ACOXL: variants seen among roughly 807,000 people sequenced by gnomAD.
ACOXL encodes acyl-coenzyme A oxidase-like protein.
Under a neutral mutation model 71.9 loss-of-function variants are expected in ACOXL, and 70 were observed. The observed-to-expected ratio is 0.97, with a 90% CI of 0.80 to 1.19. ACOXL has a LOEUF of 1.19. Among genes scored for constraint, ACOXL ranks in the 50% most tolerant of loss-of-function variants. The pLI is 0.00. For missense variants in ACOXL, 703 were observed against 736.3 expected, an observed-to-expected ratio of 0.95 and a Z score of 0.52; for synonymous variants, 253 against 281.6, an observed-to-expected ratio of 0.90 and a Z score of 1.02.
chr2:111,117,535 T>C, intron 17 of ACOXL, 81 bp from the exon 18 acceptor site: 1 of 1,435,402 alleles, frequency 7.0e-7, no homozygotes, highest in Non-Finnish European at 9.6e-7. Flanking sequence ...GTGCGGGTGC[T>C]TGGTGGGCTG....
chr2:110,843,486 G>A (rs924087888), intron 10 of ACOXL, among the ~76,000 whole-genome samples: 1 of 152,222 alleles, frequency 6.6e-6, no homozygotes, highest in African/African-American at 2.4e-5. Flanking sequence ...TGCTGTGGAG[G>A]AGAGGCAGAG....
chr2:110,758,307 G>C (rs1559224569), intron 1 of ACOXL, among the ~76,000 whole-genome samples: 1 of 152,158 alleles, frequency 6.6e-6, no homozygotes, highest in African/African-American at 2.4e-5. Context: ...TTGTAGTATA[G>C]TTTGAAGTCA....
intron 9 of ACOXL, among the ~76,000 whole-genome samples, chr2:110,836,168 G>A (rs1690436871): frequency 2.0e-5 from 3 of 152,198 alleles, no homozygotes; most frequent in Admixed American, 1.3e-4. Context: ...AGTAAGATCT[G>A]GGGTGGTGCC....
chr2:110,793,133 C>G (rs1446017697), intron 3 of ACOXL, among the ~76,000 whole-genome samples: 1 of 152,186 alleles, frequency 6.6e-6, no homozygotes, highest in Non-Finnish European at 1.5e-5. Context: ...TGTCCAAGAT[C>G]CTGCAGCCGG....
At chr2:110,829,049 G>C (rs1366892154) in intron 9 of ACOXL, among the ~76,000 whole-genome samples, 1 of 152,178 alleles carries the variant, frequency 6.6e-6, no homozygotes, top group Non-Finnish European at 1.5e-5. Flanking sequence ...GACCTCAGGT[G>C]ATCTGCCTGC....
intron 14 of ACOXL, among the ~76,000 whole-genome samples, chr2:111,023,156 G>A (rs1355750858): frequency 6.6e-6 from 1 of 152,186 alleles, no homozygotes; most frequent in African/African-American, 2.4e-5. Context: ...TGTCTACCAG[G>A]TGGGAGTGCA....
chr2:110,844,550 C>CTTTTTTT (rs72290322), intron 10 of ACOXL, among the ~76,000 whole-genome samples: 1 of 133,536 alleles, frequency 7.5e-6, no homozygotes, highest in South Asian at 2.4e-4. Flanking sequence ...CTTTTCTTTT[C>CTTTTTTT]TTTTTTTTTT....
intron 15 of ACOXL, 97 bp downstream of exon 15, chr2:111,031,811 A>G: frequency 8.2e-7 from 1 of 1,222,770 alleles, no homozygotes. Flanking sequence ...GTCCCAACAC[A>G]CAGGGAAGGG....
At chr2:110,763,600 C>A (rs1002882189) in intron 1 of ACOXL, among the ~76,000 whole-genome samples, 3 of 152,050 alleles carry the variant, frequency 2.0e-5, no homozygotes, top group Non-Finnish European at 4.4e-5. Context: ...CCTAGGAGAT[C>A]TAGAAGAAAG....
intron 11 of ACOXL, among the ~76,000 whole-genome samples, chr2:110,923,642 C>A (rs2060161462): frequency 6.6e-6 from 1 of 152,052 alleles, no homozygotes; most frequent in Non-Finnish European, 1.5e-5. Context: ...TTATTAGAAA[C>A]AGAGCATGAG....
intron 17 of ACOXL, chr2:111,094,369 G>C (rs2068697057): frequency 6.6e-6 from 1 of 152,066 alleles, no homozygotes; most frequent in Non-Finnish European, 1.5e-5. Flanking sequence ...TCCATTTTTT[G>C]CTGCTGTAAC....
intron 10 of ACOXL, among the ~76,000 whole-genome samples, chr2:110,902,318 A>G (rs2059270791): frequency 6.6e-6 from 1 of 152,048 alleles, no homozygotes; most frequent in Non-Finnish European, 1.5e-5. Context: ...AAAATTACAA[A>G]AATTAGTCAG....
intron 3 of ACOXL, among the ~76,000 whole-genome samples, chr2:110,788,718 G>A (rs1318312123): frequency 1.3e-5 from 2 of 152,206 alleles, no homozygotes; most frequent in Non-Finnish European, 2.9e-5. Context: ...AGTAATTGTG[G>A]GAGATTTTTC....
intron 14 of ACOXL, among the ~76,000 whole-genome samples, chr2:111,030,366 A>C (rs1169468316): frequency 6.6e-6 from 1 of 152,194 alleles, no homozygotes; most frequent in Admixed American, 6.5e-5. Context: ...CAGTGCAGAG[A>C]GATATCAATT....
intron 2 of ACOXL, among the ~76,000 whole-genome samples, chr2:110,775,004 G>T (rs911360683): frequency 6.6e-6 from 1 of 152,214 alleles, no homozygotes; most frequent in East Asian, 1.9e-4. Context: ...AGAGCCCCTA[G>T]AAATAAAACC....
intron 9 of ACOXL, among the ~76,000 whole-genome samples, chr2:110,831,197 C>T (rs947203340): frequency 1.9e-4 from 29 of 152,060 alleles, no homozygotes; most frequent in Admixed American, 6.6e-4. Context: ...ATAAAACTGA[C>T]CCTATTTGCA....
intron 12 of ACOXL, among the ~76,000 whole-genome samples, chr2:110,943,124 GAAGAAGGAAGGA>G (rs1163270471): frequency 1.4e-5 from 2 of 140,304 alleles, no homozygotes; most frequent in Non-Finnish European, 1.5e-5. Flanking sequence ...GGAAGGAAAG[GAAGAAGGAAGGA>G]AAGAAGGAAG....
At chr2:111,015,100 A>G (rs1482532127) in intron 14 of ACOXL, among the ~76,000 whole-genome samples, 1 of 152,240 alleles carries the variant, frequency 6.6e-6, no homozygotes, top group African/African-American at 2.4e-5. Context: ...TAATTGGTAA[A>G]TTAAATCTTG....
At chr2:110,763,793 G>A (rs567201933) in intron 1 of ACOXL, among the ~76,000 whole-genome samples, 3 of 152,110 alleles carry the variant, frequency 2.0e-5, no homozygotes, top group Non-Finnish European at 2.9e-5. Flanking sequence ...ACATAGACAC[G>A]TCTAATATAA....
Sources: gnomAD v4.1 joint callset for allele counts (sites outside exome capture counted in the v4.1 genomes callset) on GRCh38, gnomAD v4.1.1 for gene constraint, MANE v1.5 for transcripts, NCBI Gene and HGNC (gene_info 2026-07-23, HGNC 2026-07-21) for gene names.